The following CDC123 variants were observed in gnomAD, a reference collection of about 807,000 sequenced individuals.
CDC123 encodes the protein cell division cycle 123, also known as translation initiation factor eIF2 assembly protein.
A neutral mutation model predicts 54.4 loss-of-function variants in CDC123; 37 were observed. That is an observed-to-expected ratio of 0.68 (90% confidence interval 0.52 to 0.89). CDC123 has a LOEUF of 0.89. Among genes scored for constraint, CDC123 ranks in the 40% least tolerant of loss-of-function variants. The probability of loss-of-function intolerance (pLI) is 0.00; values close to 1 mark genes in which losing one functional copy is unlikely to be tolerated. For synonymous variants in CDC123, 144 were observed against 136.8 expected (o/e 1.05, Z -0.37); for missense variants, 361 against 412.1 (o/e 0.88, Z 1.07).
intron 8 of CDC123, among the ~76,000 whole-genome samples, chr10:12,235,445 G>A (rs948366177): frequency 3.9e-5 from 6 of 152,166 alleles, no homozygotes; most frequent in African/African-American, 9.7e-5. Context: ...GCAGTACTTA[G>A]CAATAGTCTG....
At chr10:12,216,693 C>T (rs912855301) in intron 5 of CDC123, among the ~76,000 whole-genome samples, 1 of 152,122 alleles carries the variant, frequency 6.6e-6, no homozygotes, top group Non-Finnish European at 1.5e-5. Context: ...TTAGTTTTCT[C>T]AAAATTCTGT....
intron 6 of CDC123, among the ~76,000 whole-genome samples, chr10:12,229,261 A>G (rs1835867963): frequency 6.6e-6 from 1 of 152,160 alleles, no homozygotes; most frequent in Non-Finnish European, 1.5e-5. Flanking sequence ...TGATATTCTT[A>G]ACGCCTAAAT....
chr10:12,216,214 G>A (rs944242540), intron 5 of CDC123, among the ~76,000 whole-genome samples: 1 of 152,170 alleles, frequency 6.6e-6, no homozygotes, highest in Non-Finnish European at 1.5e-5. Flanking sequence ...TAGAGTGGTT[G>A]GAGAAGTCAA....
At chr10:12,223,728 TAATAA>T (rs1293643135) in intron 6 of CDC123, among the ~76,000 whole-genome samples, 1 of 152,208 alleles carries the variant, frequency 6.6e-6, no homozygotes, top group Non-Finnish European at 1.5e-5. Flanking sequence ...ATTTGGGTAG[TAATAA>T]AATAAAAAAA....
chr10:12,230,227 C>G (rs550364399), intron 6 of CDC123, among the ~76,000 whole-genome samples: 4 of 151,226 alleles, frequency 2.6e-5, no homozygotes, highest in Non-Finnish European at 5.9e-5. Context: ...GAGTCTCGCT[C>G]TGTCACCCAG....
intron 6 of CDC123, among the ~76,000 whole-genome samples, chr10:12,224,718 T>C (rs953877048): frequency 6.6e-6 from 1 of 152,232 alleles, no homozygotes; most frequent in Non-Finnish European, 1.5e-5. Flanking sequence ...TGAAGAAATC[T>C]TCCAAATTAA....
At chr10:12,208,862 A>C (rs7100710) in intron 2 of CDC123, among the ~76,000 whole-genome samples, 1 of 152,004 alleles carries the variant, frequency 6.6e-6, no homozygotes, top group Non-Finnish European at 1.5e-5. Flanking sequence ...CAAAGACAGC[A>C]TGCCTGTTTA....
chr10:12,237,530 T>G (rs2131761377), intron 9 of CDC123: 1 of 173,926 alleles, frequency 5.7e-6, no homozygotes, highest in Non-Finnish European at 1.2e-5. Flanking sequence ...ACCTCCCGGG[T>G]TCAGGTGATT....
intron 2 of CDC123, 21 bp from the exon 3 acceptor site, chr10:12,209,946 T>C (rs374672460): frequency 2.5e-6 from 4 of 1,613,162 alleles, no homozygotes; most frequent in Middle Eastern, 1.7e-4. Flanking sequence ...TCTTTCTTGA[T>C]GTTTGTTTGT....
intron 6 of CDC123, among the ~76,000 whole-genome samples, chr10:12,227,578 A>C (rs1010568385): frequency 5.9e-5 from 9 of 151,740 alleles, no homozygotes; most frequent in Non-Finnish European, 1.2e-4. Flanking sequence ...GATCACTGCA[A>C]CCTTCAACTC....
intron 10 of CDC123, among the ~76,000 whole-genome samples, chr10:12,239,774 C>A (rs1029317675): frequency 1.3e-5 from 2 of 149,806 alleles, no homozygotes; most frequent in African/African-American, 4.9e-5. Context: ...TTTGGGAGGC[C>A]GAGACGGGCA....
chr10:12,235,217 A>G, intron 8 of CDC123, 94 bp downstream of exon 8: 1 of 1,016,756 alleles, frequency 9.8e-7, no homozygotes. Flanking sequence ...TAATTAGGAC[A>G]GGGATGTCAA....
At chr10:12,197,200 A>G (rs1351295568) in intron 1 of CDC123, among the ~76,000 whole-genome samples, 1 of 152,060 alleles carries the variant, frequency 6.6e-6, no homozygotes, top group East Asian at 1.9e-4. Context: ...ATACTTAGGA[A>G]GGCTTATTTG....
chr10:12,225,866 G>A (rs999012505), intron 6 of CDC123, among the ~76,000 whole-genome samples: 1 of 145,574 alleles, frequency 6.9e-6, no homozygotes, highest in Non-Finnish European at 1.5e-5. Flanking sequence ...AGATAAACAT[G>A]TGAACAAGGG....
intron 11 of CDC123, 60 bp from the exon 12 acceptor site, chr10:12,249,521 C>T (rs967599831): frequency 4.6e-6 from 7 of 1,535,780 alleles, no homozygotes; most frequent in South Asian, 2.4e-5. Flanking sequence ...TTTTTTAGTT[C>T]ACAGAATAGG....
intron 6 of CDC123, among the ~76,000 whole-genome samples, chr10:12,228,505 A>G (rs1008902056): frequency 1.3e-5 from 2 of 151,792 alleles, no homozygotes; most frequent in East Asian, 3.9e-4. Flanking sequence ...TCCTGGATTC[A>G]AGCAGTTCTC....
chr10:12,250,153 G>C, intron 12 of CDC123, 158 bp from the exon 13 acceptor site: 1 of 512,122 alleles, frequency 2.0e-6, no homozygotes, highest in Non-Finnish European at 3.5e-6. Context: ...ATTTGCTCAG[G>C]AGTCAAAGTG....
intron 8 of CDC123, among the ~76,000 whole-genome samples, chr10:12,236,386 GC>G (rs1439928910): frequency 1.3e-5 from 2 of 152,036 alleles, no homozygotes; most frequent in African/African-American, 4.8e-5. Flanking sequence ...ATTGCTTGAG[GC>G]CAGGAGTTCA....
At chr10:12,249,495 T>G in intron 11 of CDC123, 86 bp from the exon 12 acceptor site, 1 of 1,330,190 alleles carries the variant, frequency 7.5e-7, no homozygotes, top group Non-Finnish European at 1.0e-6. Flanking sequence ...GGAGTTGAAA[T>G]TGTTTTGCTA....
Sources: allele counts gnomAD v4.1 joint callset (sites outside exome capture counted in the v4.1 genomes callset), GRCh38; gene constraint gnomAD v4.1.1; transcripts MANE v1.5; gene names NCBI Gene and HGNC (gene_info 2026-07-23, HGNC 2026-07-21).